PLA2G4C: variants seen among roughly 807,000 people sequenced by gnomAD.
PLA2G4C encodes phospholipase A2 group IVC, also known as cytosolic phospholipase A2 gamma.
Under a neutral mutation model 73.8 loss-of-function variants are expected in PLA2G4C, and 64 were observed. The ratio of observed to expected loss-of-function variants is 0.87; its 90% CI spans 0.71 to 1.07. PLA2G4C has a LOEUF of 1.07. PLA2G4C is among the 50% of genes least tolerant of loss of function. The pLI, the probability that PLA2G4C is intolerant of heterozygous loss-of-function variation, is 0.00. For synonymous variants in PLA2G4C, 254 were observed against 252.1 expected, an observed-to-expected ratio of 1.01 and a Z score of -0.07; for missense variants, 622 against 665.4, an observed-to-expected ratio of 0.93 and a Z score of 0.72.
chr19:48,105,905 CCCT>C, intron 2 of PLA2G4C, among the ~76,000 whole-genome samples: 1 of 4,732 alleles, frequency 2.1e-4, no homozygotes, highest in African/African-American at 2.7e-3. Flanking sequence ...CTCCCTCCCT[CCCT>C]CCCTCCCTCC....
chr19:48,049,954 CCT>C (rs1231526750), intron 16 of PLA2G4C, among the ~76,000 whole-genome samples: 3 of 152,126 alleles, frequency 2.0e-5, no homozygotes, highest in African/African-American at 7.2e-5. Flanking sequence ...ACGGAATCTC[CCT>C]CTGTCAGCAG....
intron 4 of PLA2G4C, among the ~76,000 whole-genome samples, chr19:48,100,502 G>A (rs1174033828): frequency 2.6e-5 from 4 of 151,576 alleles, no homozygotes; most frequent in Non-Finnish European, 5.9e-5. Flanking sequence ...CTGCTCAGGA[G>A]GCTGAAGCAG....
intron 9 of PLA2G4C, among the ~76,000 whole-genome samples, chr19:48,087,362 A>T (rs1171048424): frequency 2.0e-5 from 3 of 152,138 alleles, no homozygotes; most frequent in African/African-American, 7.2e-5. Context: ...GGTTTCTCCC[A>T]TGGGAGCTCA....
intron 9 of PLA2G4C, among the ~76,000 whole-genome samples, chr19:48,087,309 G>A (rs1247165261): frequency 6.6e-6 from 1 of 152,150 alleles, no homozygotes; most frequent in African/African-American, 2.4e-5. Context: ...CTTGGATAAG[G>A]GGATGTCTTT....
rs548688675 is a variant in PLA2G4C at position 48,098,713 on chromosome 19, T to TA, written c.448-455dup. Among the ~76,000 whole-genome samples the TA allele has an allele frequency of 6.8e-3, 209 of 30,888 alleles. 10 individuals carry two copies. Among genetic ancestry groups the TA allele is most frequent in the East Asian group, 9.1e-3 (7 of 770 alleles). The allele number at this position is 30,888 out of a possible 152,430, so 20.3% of individuals were successfully genotyped here. On this transcript the variant is annotated intron_variant, in intron 5 of 16. Transcript: ENST00000599921. ...GAGCAAAAAAGCGAAACCCTATCTC[T>TA]AAAAAAAAAAAAAAAAAAAAAAAAA...
intron 6 of PLA2G4C, chr19:48,097,772 G>T: frequency 5.5e-6 from 1 of 180,336 alleles, no homozygotes; most frequent in Non-Finnish European, 1.1e-5. Flanking sequence ...GTGTTTTTTT[G>T]TTTTGTTTTG....
Position 48,088,666 on chromosome 19 carries a change from T to A in PLA2G4C, c.790+20A>T, listed in dbSNP as rs780183034. On this transcript the variant is annotated intron_variant, in intron 9 of 16. Coordinates refer to ENST00000599921, the MANE Select transcript of PLA2G4C (RefSeq NM_003706.3). ...GGTCCCCATTATCATCAGGGATTCA[T>A]GATGAAGTAGGATGCTTACCTTTCA... The A allele has an allele frequency of 6.3e-7, 1 of 1,587,156 alleles. No individual in the cohort carries two copies. The highest frequency in any genetic ancestry group is 1.1e-5 in the South Asian group (1 of 90,524).
chr19:48,087,709 C>T (rs146649390), intron 9 of PLA2G4C, among the ~76,000 whole-genome samples: 5 of 151,972 alleles, frequency 3.3e-5, no homozygotes, highest in East Asian at 1.9e-4. Context: ...CCGAGGTGGG[C>T]GGATCACCTG....
chr19:48,100,590 G>A lies in PLA2G4C; in HGVS notation c.258-730C>T, dbSNP rs972049181. 2.3e-5 allele frequency among the ~76,000 whole-genome samples: 3 copies of A among 130,622 alleles called. No individual in the cohort carries two copies. In the Admixed American group the frequency reaches 2.4e-4, roughly 10 times the overall value. 85.7% of individuals were successfully genotyped at this position (130,622 alleles called of 152,430 possible). A position where few individuals can be genotyped will look rare whatever the true frequency, so the allele number is the denominator to read the frequency against. On this transcript the variant is annotated intron_variant, in intron 4 of 16. Coordinates refer to ENST00000599921, the MANE Select transcript of PLA2G4C (RefSeq NM_003706.3). Reference sequence around the variant, plus strand: ...ACTGCACTCCAGCCTGGGCGACAGAGCGTGACTCCATCTAAAAAAAAAAAA... The same window carrying A: ...ACTGCACTCCAGCCTGGGCGACAGAACGTGACTCCATCTAAAAAAAAAAAA...
At chr19:48,086,574 A>G (rs1351518115) in intron 9 of PLA2G4C, among the ~76,000 whole-genome samples, 2 of 151,960 alleles carry the variant, frequency 1.3e-5, no homozygotes, top group Admixed American at 6.6e-5. Flanking sequence ...ACTTTTGGGA[A>G]CTCTGTGGCT....
chr19:48,102,812 A>G (rs2031984512), intron 4 of PLA2G4C, among the ~76,000 whole-genome samples: 1 of 152,152 alleles, frequency 6.6e-6, no homozygotes, highest in Non-Finnish European at 1.5e-5. Flanking sequence ...CTGCAGTTAT[A>G]TTTATTTCAT....
intron 10 of PLA2G4C, among the ~76,000 whole-genome samples, chr19:48,083,469 CTG>C (rs943212051): frequency 1.2e-5 from 1 of 84,728 alleles, no homozygotes; most frequent in Non-Finnish European, 2.3e-5. Context: ...TTTTTTGAGA[CTG>C]TGTTTCACTC....
intron 9 of PLA2G4C, among the ~76,000 whole-genome samples, chr19:48,086,109 C>G (rs767242954): frequency 6.6e-6 from 1 of 152,292 alleles, no homozygotes; most frequent in East Asian, 1.9e-4. Context: ...GAAAAGCAAG[C>G]TGCAGACACG....
chr19:48,062,325 C>G, intron 13 of PLA2G4C, 173 bp from the exon 14 acceptor site: 1 of 561,766 alleles, frequency 1.8e-6, no homozygotes, highest in Non-Finnish European at 3.0e-6. Context: ...TATGTTGAAG[C>G]CCTGGCTGGG....
At position 48,110,531 on chromosome 19, in the gene PLA2G4C, T is replaced by TCCGGAATCCGGTGCGGAGGCTTGG. The variant is rs2032447492; in HGVS notation, c.-78_-77insCCAAGCCTCCGCACCGGATTCCGG. 27 of 1,387,120 alleles carry TCCGGAATCCGGTGCGGAGGCTTGG rather than the reference T, an allele frequency of 1.9e-5. 1 individual carries two copies. In the African/African-American group the frequency reaches 2.5e-4, roughly 13 times the overall value. 85.9% of individuals were successfully genotyped at this position (1,387,120 alleles called of 1,614,324 possible). ...GTGTGCGCATGCGCGGTGGAGCTTG[T>TCCGGAATCCGGTGCGGAGGCTTGG]GCTCCGGAATCCGGTGCGGAGGCTT... On this transcript the variant is annotated 5_prime_UTR_variant, in exon 1 of 17. Coordinates refer to ENST00000599921, the MANE Select transcript of PLA2G4C (RefSeq NM_003706.3).
At chr19:48,098,319 C>T in intron 5 of PLA2G4C, 60 bp from the exon 6 acceptor site, 6 of 1,502,854 alleles carry the variant, frequency 4.0e-6, no homozygotes, top group Non-Finnish European at 3.6e-6. Context: ...AGGGTGGAAC[C>T]TCTGCACGTA....
intron 5 of PLA2G4C, among the ~76,000 whole-genome samples, 179 bp from the exon 6 acceptor site, chr19:48,098,438 A>G (rs251680): frequency 0.4 from 60,916 of 150,768 alleles, 12,934 homozygotes; most frequent in African/African-American, 0.52. Context: ...CAATCCACCC[A>G]CCTCAACCTC....
intron 11 of PLA2G4C, 52 bp downstream of exon 11, chr19:48,077,719 A>T: frequency 7.5e-7 from 1 of 1,329,604 alleles, no homozygotes. Flanking sequence ...GCTTCAAGCC[A>T]GTGTGCAGTC....
chr19:48,096,538 G>A (rs901143157), intron 6 of PLA2G4C, among the ~76,000 whole-genome samples: 14 of 152,188 alleles, frequency 9.2e-5, no homozygotes, highest in East Asian at 1.9e-4. Flanking sequence ...AGCCGAGATC[G>A]TGCCATTACA....
Sources: allele counts gnomAD v4.1 joint callset (sites outside exome capture counted in the v4.1 genomes callset), GRCh38; gene constraint gnomAD v4.1.1; transcripts MANE v1.5; gene names NCBI Gene and HGNC (gene_info 2026-07-23, HGNC 2026-07-21).